The following TMEM120B variants were observed in gnomAD, a reference collection of about 807,000 sequenced individuals.
TMEM120B encodes transmembrane protein 120B.
Under a neutral mutation model 55.5 loss-of-function variants are expected in TMEM120B, and 31 were observed. The observed-to-expected ratio is 0.56, with a 90% confidence interval of 0.42 to 0.75. The LOEUF is 0.75. Ranked by LOEUF, TMEM120B falls within the 30% of genes least tolerant of loss-of-function variation. TMEM120B has a pLI of 0.00. For synonymous variants in TMEM120B, 203 were observed against 176.3 expected (o/e 1.15, Z -1.20); for missense variants, 399 against 425.5 (o/e 0.94, Z 0.55).
At chr12:121,716,565 C>CTTTTTTTTTTTTTTT (rs56037685) in intron 1 of TMEM120B, among the ~76,000 whole-genome samples, 2 of 124,814 alleles carry the variant, frequency 1.6e-5, no homozygotes, top group Non-Finnish European at 1.6e-5. Context: ...TTTTTTCTTT[C>CTTTTTTTTTTTTTTT]TTTTTTTTTT....
intron 5 of TMEM120B, among the ~76,000 whole-genome samples, chr12:121,757,163 T>A (rs1030480818): frequency 1.3e-5 from 2 of 151,312 alleles, no homozygotes; most frequent in Non-Finnish European, 2.9e-5. Context: ...TGTCACTTAT[T>A]TATTATTTAT....
At chr12:121,769,132 C>T (rs1873942000) in intron 6 of TMEM120B, among the ~76,000 whole-genome samples, 1 of 128,936 alleles carries the variant, frequency 7.8e-6, no homozygotes, top group Non-Finnish European at 1.6e-5. Flanking sequence ...GGCAATAGAG[C>T]AAGACTGTCT....
At chr12:121,751,327 A>C (rs1592938829) in intron 4 of TMEM120B, among the ~76,000 whole-genome samples, 2 of 23,006 alleles carry the variant, frequency 8.7e-5, no homozygotes, top group Non-Finnish European at 8.2e-5. Context: ...CCCCACACCC[A>C]CACCACACAC....
At chr12:121,760,920 G>A (rs566538552) in intron 5 of TMEM120B, among the ~76,000 whole-genome samples, 84 of 152,260 alleles carry the variant, frequency 5.5e-4, no homozygotes, top group Non-Finnish European at 9.8e-4. Flanking sequence ...CTTTAAGGGG[G>A]CAGAGGGAGT....
At chr12:121,745,034 G>A (rs1263553964) in intron 2 of TMEM120B, among the ~76,000 whole-genome samples, 1 of 152,152 alleles carries the variant, frequency 6.6e-6, no homozygotes, top group Non-Finnish European at 1.5e-5. Context: ...GGGTCTTTGT[G>A]GGGGCCGTGC....
At chr12:121,760,777 C>G (rs2137283640) in intron 5 of TMEM120B, among the ~76,000 whole-genome samples, 1 of 152,232 alleles carries the variant, frequency 6.6e-6, no homozygotes, top group African/African-American at 2.4e-5. Flanking sequence ...ACCTGATGGT[C>G]ACCTGACATT....
In TMEM120B at chr12:121,775,655, T is replaced by C. The variant is rs1486460421; in HGVS notation, c.953T>C (p.Phe318Ser). Residue 318 changes from phenylalanine to serine, a missense_variant, in exon 12 of 12, where the codon TTC (phenylalanine) becomes TCC (serine). Phe to Ser is a radical substitution (Grantham distance 155). Transcript: ENST00000449592. The surrounding 1 kb of genome is among the most constrained non-coding windows in gnomAD (Gnocchi z 4.3). Reference protein sequence around the residue: ...FTFLILFLGNFLTTLKVVHAK... With the variant: ...FTFLILFLGNSLTTLKVVHAK... ...TTCCTCATCCTCTTCCTCGGCAACT[T>C]CCTGACCACGCTCAAAGTCGTGCAT... is the stretch of plus-strand genomic sequence containing the variant. 1 of 1,614,004 alleles carries C rather than the reference T, an allele frequency of 6.2e-7. No individual in the cohort carries two copies. Among genetic ancestry groups the C allele is most frequent in the Admixed American group, 1.7e-5 (1 of 60,016 alleles).
rs1009404106 is a variant in TMEM120B, at chr12:121,777,419, T to G, written c.*1697T>G. The G allele has an allele frequency of 6.6e-6, 1 of 152,192 alleles. No individual in the cohort carries two copies. Among genetic ancestry groups the G allele is most frequent in the Non-Finnish European group, 1.5e-5 (1 of 68,034 alleles). 9.4% of individuals were successfully genotyped at this position (152,192 alleles called of 1,614,324 possible). A position where few individuals can be genotyped will look rare whatever the true frequency, so the allele number is the denominator to read the frequency against. On this transcript the variant is annotated 3_prime_UTR_variant, in exon 12 of 12. Transcript: ENST00000449592. ...TGTGAGCCACTGTGCCTGGCCTGATTACATTTTTAAAATGAGATTTCCCCA... is the reference window on the plus strand; with the variant it reads ...TGTGAGCCACTGTGCCTGGCCTGATGACATTTTTAAAATGAGATTTCCCCA...
At chr12:121,741,302 A>G (rs1034062791) in intron 1 of TMEM120B, among the ~76,000 whole-genome samples, 1 of 152,148 alleles carries the variant, frequency 6.6e-6, no homozygotes, top group African/African-American at 2.4e-5. Flanking sequence ...TGTTTTTGTA[A>G]TTCTGCAAGC....
intron 2 of TMEM120B, among the ~76,000 whole-genome samples, chr12:121,746,278 C>G (rs1181624928): frequency 1.3e-5 from 2 of 151,606 alleles, no homozygotes; most frequent in African/African-American, 4.9e-5. Flanking sequence ...ACCTCTGCCT[C>G]CCGGGTTCAA....
At chr12:121,730,930 T>C (rs1462155615) in intron 1 of TMEM120B, among the ~76,000 whole-genome samples, 1 of 151,074 alleles carries the variant, frequency 6.6e-6, no homozygotes, top group African/African-American at 2.4e-5. Flanking sequence ...TGCACTCCAG[T>C]CTGGGTAACA....
chr12:121,730,329 G>A (rs2137042130), intron 1 of TMEM120B, among the ~76,000 whole-genome samples: 1 of 151,352 alleles, frequency 6.6e-6, no homozygotes, highest in African/African-American at 2.4e-5. Context: ...ATTATGCTAA[G>A]TGATAAATAA....
intron 1 of TMEM120B, among the ~76,000 whole-genome samples, chr12:121,738,951 C>G (rs1463365313): frequency 6.6e-6 from 1 of 151,694 alleles, no homozygotes; most frequent in Non-Finnish European, 1.5e-5. Flanking sequence ...CTTTGGGAGG[C>G]CGAGGTGGGA....
chr12:121,781,926 C>CGA lies in TMEM120B; in HGVS notation c.*6207_*6208dup, dbSNP rs1377703422. The CGA allele has an allele frequency of 6.6e-6, 1 of 152,222 alleles. No homozygotes were observed. Among genetic ancestry groups the CGA allele is most frequent in the East Asian group, 1.9e-4 (1 of 5,184 alleles). The allele number at this position is 152,222 out of a possible 1,614,324, so 9.4% of individuals were successfully genotyped here. A position where few individuals can be genotyped will look rare whatever the true frequency, so the allele number is the denominator to read the frequency against. The stretch of plus-strand genomic sequence containing the variant: ...GAGGCCGTGACGCCTGGCTCCGCCC[C>CGA]GAGACGAGCTGAATCCAAATACGGA... On this transcript the variant is annotated 3_prime_UTR_variant, in exon 12 of 12. Transcript: ENST00000449592.
chr12:121,738,003 C>T (rs1421791101), intron 1 of TMEM120B, among the ~76,000 whole-genome samples: 1 of 140,900 alleles, frequency 7.1e-6, no homozygotes, highest in Non-Finnish European at 1.5e-5. Flanking sequence ...GAGTGAGACC[C>T]TGTCTCCACA....
At chr12:121,717,622 C>G (rs761077981) in intron 1 of TMEM120B, among the ~76,000 whole-genome samples, 8 of 152,124 alleles carry the variant, frequency 5.3e-5, no homozygotes, top group Non-Finnish European at 1.0e-4. Flanking sequence ...CTCCTGTTAG[C>G]TTTTGTTTCT....
At position 121,780,789 on chromosome 12, in the gene TMEM120B, C is replaced by G. The variant is rs746517555; in HGVS notation, c.*5067C>G. On this transcript the variant is annotated 3_prime_UTR_variant, in exon 12 of 12. Coordinates refer to ENST00000449592, the MANE Select transcript of TMEM120B (RefSeq NM_001080825.2). ...CTTCCCTCAGCTCCCTGAAAGGCCACTAAGGCACCCCAGTTGCAGAGGCCA... is the reference window on the plus strand; with the variant it reads ...CTTCCCTCAGCTCCCTGAAAGGCCAGTAAGGCACCCCAGTTGCAGAGGCCA... 2 of 1,492,004 alleles carry G rather than the reference C, an allele frequency of 1.3e-6. No individual in the cohort carries two copies. Among genetic ancestry groups the G allele is most frequent in the East Asian group, 2.3e-5 (1 of 43,874 alleles). 92.4% of individuals were successfully genotyped at this position (1,492,004 alleles called of 1,614,324 possible). A position where few individuals can be genotyped will look rare whatever the true frequency, so the allele number is the denominator to read the frequency against.
chr12:121,747,340 A>G (rs74521595), intron 2 of TMEM120B, among the ~76,000 whole-genome samples: 1,596 of 1,762 alleles, frequency 0.91, 757 homozygotes, highest in Middle Eastern at 1. Flanking sequence ...GGCTGGGGTA[A>G]AAGGCGGGAG....
chr12:121,779,568 G>A lies in TMEM120B; in HGVS notation c.*3846G>A, dbSNP rs773924860. ...CTTCAGAGCGCTGAGAGCCACCTTG[G>A]CGGCCTCCCGGAAGACGTCCTCCAC... is the stretch of plus-strand genomic sequence containing the variant. On this transcript the variant is annotated 3_prime_UTR_variant, in exon 12 of 12. Coordinates refer to ENST00000449592, the MANE Select transcript of TMEM120B (RefSeq NM_001080825.2). The A allele has an allele frequency of 5.6e-6, 9 of 1,614,086 alleles. No homozygotes were observed. Among genetic ancestry groups the A allele is most frequent in the Non-Finnish European group, 7.6e-6 (9 of 1,180,034 alleles).
Sources: allele counts gnomAD v4.1 joint callset (sites outside exome capture counted in the v4.1 genomes callset), GRCh38; gene constraint gnomAD v4.1.1; non-coding constraint Gnocchi (gnomAD v3.1); transcripts MANE v1.5; gene names NCBI Gene and HGNC (gene_info 2026-07-23, HGNC 2026-07-21).